The following HIPK3 variants were observed in gnomAD, a reference collection of about 807,000 sequenced individuals.
The protein encoded by HIPK3 is homeodomain-interacting protein kinase 3.
In HIPK3, 47 loss-of-function variants were observed where a neutral mutation model predicts 124.2. That is an observed-to-expected ratio of 0.38 (90% CI 0.30 to 0.48). The LOEUF (loss-of-function observed/expected upper bound fraction) is 0.48, where lower values mean the gene tolerates loss of function less well. Ranked by LOEUF, HIPK3 falls within the 20% of genes least tolerant of loss-of-function variation. The pLI, the probability that HIPK3 is intolerant of heterozygous loss-of-function variation, is 0.98. For missense variants in HIPK3, 1,286 were observed against 1,454.3 expected, an observed-to-expected ratio of 0.88 and a Z score of 1.88; for synonymous variants, 482 against 515.2, an observed-to-expected ratio of 0.94 and a Z score of 0.87.
Position 33,339,500 on chromosome 11 carries a change from A to G in HIPK3, c.1579A>G (p.Met527Val). 1.9e-6 allele frequency: 3 copies of G among 1,608,144 alleles called. No individual in the cohort carries two copies. In the South Asian group the frequency reaches 3.3e-5, roughly 18 times the overall value. The part of the protein sequence containing the change: ...AETLNHPFVN[M>V]KHLLDFPHSN... ...GACCCTGAACCATCCTTTTGTTAAT[A>G]TGAAACATCTTCTAGATTTCCCTCA... Residue 527 changes from methionine (M) to valine (V), a missense_variant, in exon 6 of 17, where the codon ATG becomes GTG. By Grantham distance (21) the Met-to-Val change is conservative. This residue lies in a region of HIPK3 where 810 missense variants were observed against 864.9 expected (regional missense o/e 0.94). Transcript: ENST00000303296.
intron 8 of HIPK3, among the ~76,000 whole-genome samples, chr11:33,343,654 A>C (rs1853410461): frequency 6.6e-6 from 1 of 152,176 alleles, no homozygotes; most frequent in Admixed American, 6.5e-5. Flanking sequence ...AGTACCAAAT[A>C]AAAAACCAAG....
chr11:33,263,528 G>A (rs922854264), intron 1 of HIPK3, among the ~76,000 whole-genome samples: 6 of 151,072 alleles, frequency 4.0e-5, no homozygotes, highest in East Asian at 2.0e-4. Context: ...GTTGTCCAGG[G>A]TGGTCTCAAA....
rs1320878713 is a variant in HIPK3, at chr11:33,286,769, C to T, written c.355C>T (p.Leu119=). 2 of 1,613,902 alleles carry T rather than the reference C, an allele frequency of 1.2e-6. No homozygotes were observed. The highest frequency in any genetic ancestry group is 2.7e-5 in the African/African-American group (2 of 74,908). Reference sequence around the variant, plus strand: ...GGCGTGGCGAAACAGATTGCATTTCCTAGAAGGCCCCCAGCGATGTGGATT... The same window carrying T: ...GGCGTGGCGAAACAGATTGCATTTCTTAGAAGGCCCCCAGCGATGTGGATT... ...IGAWRNRLHF[L]EGPQRCGLKR... is the part of the protein sequence containing the mutation. The change falls in exon 2 of 17, where the codon CTA becomes TTA. Residue 119 remains leucine, a synonymous_variant. Transcript: ENST00000303296.
At chr11:33,307,485 G>A (rs1254828701) in intron 2 of HIPK3, among the ~76,000 whole-genome samples, 2 of 146,372 alleles carry the variant, frequency 1.4e-5, no homozygotes, top group Non-Finnish European at 3.0e-5. Flanking sequence ...TGCAAGCTCC[G>A]CCTCCCAGGT....
At chr11:33,332,613 A>G (rs571304404) in intron 3 of HIPK3, among the ~76,000 whole-genome samples, 1 of 152,320 alleles carries the variant, frequency 6.6e-6, no homozygotes, top group East Asian at 1.9e-4. Flanking sequence ...TATTCAAATT[A>G]TATTTGGTAA....
chr11:33,344,820 C>T (rs533457648), intron 8 of HIPK3, among the ~76,000 whole-genome samples: 153 of 152,200 alleles, frequency 1.0e-3, no homozygotes, highest in African/African-American at 3.6e-3. Flanking sequence ...GAAAGCACTC[C>T]CTCTACAGTC....
At chr11:33,274,602 A>G (rs1162951591) in intron 1 of HIPK3, among the ~76,000 whole-genome samples, 1 of 152,154 alleles carries the variant, frequency 6.6e-6, no homozygotes, top group Non-Finnish European at 1.5e-5. Flanking sequence ...ACTTCAGGTA[A>G]ACTTTTTGTC....
chr11:33,330,174 GT>G (rs1314878449), intron 3 of HIPK3, among the ~76,000 whole-genome samples: 8 of 151,744 alleles, frequency 5.3e-5, no homozygotes, highest in African/African-American at 1.7e-4. Flanking sequence ...ATGAATGTTT[GT>G]TTTTTTTAAA....
intron 2 of HIPK3, among the ~76,000 whole-genome samples, chr11:33,314,837 TTACTGACGA>T (rs1338063884): frequency 6.6e-6 from 1 of 152,234 alleles, no homozygotes; most frequent in Non-Finnish European, 1.5e-5. Flanking sequence ...TGTTGGTGTT[TTACTGACGA>T]TACATTATAA....
chr11:33,355,100 C>T lies in HIPK3; in HGVS notation c.*1532C>T, dbSNP rs747315090. ...GTATCATAGATAAGCTGCTATATAA[C>T]GATTGCCACTTCAGATAGCTGTGAA... On this transcript the variant is annotated 3_prime_UTR_variant, in exon 17 of 17. Coordinates refer to ENST00000303296, the MANE Select transcript of HIPK3 (RefSeq NM_005734.5). The T allele has an allele frequency of 3.3e-5, 5 of 152,016 alleles. No individual in the cohort carries two copies. Among genetic ancestry groups the T allele is most frequent in the African/African-American group, 9.7e-5 (4 of 41,434 alleles). The allele number at this position is 152,016 out of a possible 1,614,324, so 9.4% of individuals were successfully genotyped here.
At chr11:33,267,739 G>T (rs927282720) in intron 1 of HIPK3, among the ~76,000 whole-genome samples, 2 of 151,358 alleles carry the variant, frequency 1.3e-5, no homozygotes, top group African/African-American at 2.4e-5. Context: ...CTCGTGATCC[G>T]CCCGCCTCGG....
chr11:33,263,180 A>T (rs1009441259), intron 1 of HIPK3, among the ~76,000 whole-genome samples: 2 of 151,912 alleles, frequency 1.3e-5, no homozygotes, highest in African/African-American at 4.8e-5. Flanking sequence ...CAATTTCTCT[A>T]ATTTTCTAAA....
At chr11:33,260,896 T>C (rs183279955) in intron 1 of HIPK3, among the ~76,000 whole-genome samples, 2 of 152,194 alleles carry the variant, frequency 1.3e-5, no homozygotes, top group Admixed American at 1.3e-4. Context: ...CAATGTAGTA[T>C]GTTTAACTTG....
At chr11:33,338,255 G>C (rs1035506336) in intron 4 of HIPK3, among the ~76,000 whole-genome samples, 2 of 152,014 alleles carry the variant, frequency 1.3e-5, no homozygotes, top group Non-Finnish European at 2.9e-5. Context: ...TATTTTTTGA[G>C]ACAGAGTCTT....
Position 33,307,069 on chromosome 11 carries a change from G to T in HIPK3, c.1097+19558G>T, listed in dbSNP as rs556816713. On this transcript the variant is annotated intron_variant, in intron 2 of 16. Coordinates refer to ENST00000303296, the MANE Select transcript of HIPK3 (RefSeq NM_005734.5). Reference sequence around the variant, plus strand: ...TTCTCCCTTCCTCACATCCCCAGTGGCTGGGATTATAGGCATCCGCCACCA... The same window carrying T: ...TTCTCCCTTCCTCACATCCCCAGTGTCTGGGATTATAGGCATCCGCCACCA... 4.6e-5 allele frequency among the ~76,000 whole-genome samples: 7 copies of T among 151,980 alleles called. No homozygotes were observed. In the South Asian group the frequency reaches 1.5e-3, roughly 32 times the overall value.
intron 1 of HIPK3, among the ~76,000 whole-genome samples, chr11:33,265,502 G>T (rs1007363121): frequency 6.6e-6 from 1 of 152,244 alleles, no homozygotes; most frequent in East Asian, 1.9e-4. Flanking sequence ...GGCCAGGCAC[G>T]GTGGCTCATG....
intron 3 of HIPK3, among the ~76,000 whole-genome samples, 190 bp from the exon 4 acceptor site, chr11:33,336,885 G>A (rs266476): frequency 0.68 from 103,318 of 151,988 alleles, 35,257 homozygotes; most frequent in Non-Finnish European, 0.72. Context: ...TCTATCAAGC[G>A]TGCATTTATT....
chr11:33,308,913 T>C (rs1852245630), intron 2 of HIPK3, among the ~76,000 whole-genome samples: 1 of 151,924 alleles, frequency 6.6e-6, no homozygotes, highest in South Asian at 2.1e-4. Flanking sequence ...ATTTTCAGTC[T>C]GGCCTATCTT....
intron 8 of HIPK3, among the ~76,000 whole-genome samples, chr11:33,343,544 T>C (rs539854729): frequency 1.3e-5 from 2 of 152,330 alleles, no homozygotes; most frequent in African/African-American, 2.4e-5. Flanking sequence ...CCTCTCATAG[T>C]GCTGGGATTA....
Sources: gnomAD v4.1 joint callset for allele counts (sites outside exome capture counted in the v4.1 genomes callset) on GRCh38, gnomAD v4.1.1 for gene constraint, gnomAD v4.1.1 regional missense constraint, MANE v1.5 for transcripts, NCBI Gene and HGNC (gene_info 2026-07-23, HGNC 2026-07-21) for gene names.